Variants in CPPED1 observed in about 807,000 individuals in gnomAD.
CPPED1 encodes serine/threonine-protein phosphatase CPPED1.
Under a neutral mutation model 28.0 loss-of-function variants are expected in CPPED1, and 28 were observed. The ratio of observed to expected loss-of-function variants is 1.00; its 90% CI spans 0.74 to 1.37. The LOEUF (loss-of-function observed/expected upper bound fraction) is 1.37. Among genes scored for constraint, CPPED1 ranks in the 40% most tolerant of loss-of-function variants. The pLI is 0.00. For synonymous variants in CPPED1, 198 were observed against 180.2 expected (o/e 1.10, Z -0.79); for missense variants, 504 against 416.5 (o/e 1.21, Z -1.83).
intron 2 of CPPED1, among the ~76,000 whole-genome samples, chr16:12,766,277 G>GAGAGAGAGAGA (rs1567301044): frequency 1.0e-4 from 12 of 119,948 alleles, no homozygotes; most frequent in African/African-American, 4.7e-4. Context: ...AGAGAGAGAG[G>GAGAGAGAGAGA]GAGAGAGAGA....
At chr16:12,779,773 A>G (rs1356328991) in intron 2 of CPPED1, among the ~76,000 whole-genome samples, 1 of 152,124 alleles carries the variant, frequency 6.6e-6, no homozygotes, top group African/African-American at 2.4e-5. Flanking sequence ...GGCTTACTAC[A>G]GGGTACCTCG....
rs934567384 is a variant in CPPED1 at position 12,664,976 on chromosome 16, G to A, written c.855C>T (p.Ala285=). ...TGTAGTATCGGTGAACAATTTTCTC[G>A]GCGGTGACCACCACGACTCGGAGCC... ...PHGLRVVVVT[A]EKIVHRYYSL... is the part of the protein sequence containing the mutation. Residue 285 remains alanine, a synonymous_variant, in exon 4 of 4, where the codon GCC becomes GCT. Transcript: ENST00000381774. This position sits in a 1 kb window ranked among gnomAD's most constrained non-coding sequence, Gnocchi z 4.2. The A allele has an allele frequency of 4.2e-5, 68 of 1,611,008 alleles. No individual in the cohort carries two copies. The highest frequency in any genetic ancestry group is 1.6e-4 in the Middle Eastern group (1 of 6,076).
intron 2 of CPPED1, among the ~76,000 whole-genome samples, chr16:12,707,043 C>T (rs537169751): frequency 3.9e-5 from 6 of 152,282 alleles, no homozygotes; most frequent in African/African-American, 9.6e-5. Context: ...TAGCCGAACC[C>T]GGACTGCAGG....
At chr16:12,802,290 G>A (rs1179738802) in intron 1 of CPPED1, among the ~76,000 whole-genome samples, 1 of 152,180 alleles carries the variant, frequency 6.6e-6, no homozygotes, top group Non-Finnish European at 1.5e-5. Context: ...GGACAAAAAA[G>A]ACAAGGTCCA....
In CPPED1 at chr16:12,682,623, AG is replaced by A. The variant is rs2079911528; in HGVS notation, c.716-17509del. ...GGCAAGACTAGTATCAACCATCCCC[AG>A]GGCCACTGGGAAGATAAGTGAGAAT... On this transcript the variant is annotated intron_variant, in intron 3 of 3. Transcript: ENST00000381774. This position sits in a 1 kb window ranked among gnomAD's most constrained non-coding sequence, Gnocchi z 6.1. Among the ~76,000 whole-genome samples the A allele has an allele frequency of 6.6e-6, 1 of 152,180 alleles. No homozygotes were observed. Among genetic ancestry groups the A allele is most frequent in the Admixed American group, 6.5e-5 (1 of 15,278 alleles).
chr16:12,667,872 G>C (rs569413243), intron 3 of CPPED1, among the ~76,000 whole-genome samples: 8 of 152,138 alleles, frequency 5.3e-5, no homozygotes, highest in African/African-American at 4.8e-5. Flanking sequence ...GAAGACACAG[G>C]TCCTCAGATA....
At chr16:12,723,942 C>T (rs1048714430) in intron 2 of CPPED1, among the ~76,000 whole-genome samples, 4 of 152,212 alleles carry the variant, frequency 2.6e-5, no homozygotes, top group African/African-American at 9.6e-5. Flanking sequence ...CCACTCCCTT[C>T]CTGCCACCCT....
chr16:12,767,663 C>T (rs1044645782), intron 2 of CPPED1, among the ~76,000 whole-genome samples: 6 of 152,148 alleles, frequency 3.9e-5, no homozygotes, highest in African/African-American at 7.2e-5. Context: ...AAACCTACGC[C>T]GAGAAATTGC....
At chr16:12,701,692 C>T (rs549593472) in intron 3 of CPPED1, among the ~76,000 whole-genome samples, 2 of 152,114 alleles carry the variant, frequency 1.3e-5, no homozygotes, top group East Asian at 3.9e-4. Flanking sequence ...CAGTTACACA[C>T]CCATCTTGCT....
In CPPED1 at chr16:12,681,995, T is replaced by C. The variant is rs547879168; in HGVS notation, c.716-16880A>G. On this transcript the variant is annotated intron_variant, in intron 3 of 3. Transcript: ENST00000381774. ...ATAGCATCACTTCCCTATCCTGGAC[T>C]CGAGGATTAGTTATGCTCCTCCAAC... Among the ~76,000 whole-genome samples the C allele has an allele frequency of 5.2e-4, 79 of 152,150 alleles. No individual in the cohort carries two copies. In the Middle Eastern group the frequency reaches 0.017, roughly 33 times the overall value.
At chr16:12,689,049 T>G (rs535182808) in intron 3 of CPPED1, among the ~76,000 whole-genome samples, 51 of 152,204 alleles carry the variant, frequency 3.4e-4, no homozygotes, top group African/African-American at 9.4e-4. Context: ...AAAGAACAAG[T>G]GGAAACAACC....
chr16:12,726,068 G>T (rs142881530), intron 2 of CPPED1, among the ~76,000 whole-genome samples: 1 of 151,796 alleles, frequency 6.6e-6, no homozygotes. Context: ...ATGAGATGAA[G>T]TCTCACTCTG....
chr16:12,751,479 G>C (rs984463935), intron 2 of CPPED1, among the ~76,000 whole-genome samples: 1 of 152,178 alleles, frequency 6.6e-6, no homozygotes, highest in African/African-American at 2.4e-5. Flanking sequence ...AAGTCCTTTT[G>C]CTACTGACCT....
rs765823341 is a variant in CPPED1 at position 12,803,649 on chromosome 16, C to T, written c.70+58G>A. On this transcript the variant is annotated intron_variant, in intron 1 of 3. Coordinates refer to ENST00000381774, the MANE Select transcript of CPPED1 (RefSeq NM_018340.3). ...AGCGCACACCTGAACAAAAGGTTCC[C>T]CCGGCGGAAGGTTCCGCAGCCCCAG... 3.7e-6 allele frequency: 5 copies of T among 1,360,300 alleles called. No homozygotes were observed. In the Admixed American group the frequency reaches 1.0e-4, roughly 28 times the overall value. 84.3% of individuals were successfully genotyped at this position (1,360,300 alleles called of 1,614,324 possible).
At chr16:12,702,687 T>C (rs2080026716) in intron 3 of CPPED1, among the ~76,000 whole-genome samples, 1 of 152,108 alleles carries the variant, frequency 6.6e-6, no homozygotes, top group Admixed American at 6.5e-5. Context: ...AGGGCAGTCA[T>C]GGGCTTTACA....
At chr16:12,794,156 A>C (rs1403992668) in intron 1 of CPPED1, among the ~76,000 whole-genome samples, 1 of 152,176 alleles carries the variant, frequency 6.6e-6, no homozygotes, top group Non-Finnish European at 1.5e-5. Context: ...GGTATGCAGC[A>C]GATAAGAGTG....
chr16:12,753,743 C>A (rs1450940270), intron 2 of CPPED1: 1 of 152,142 alleles, frequency 6.6e-6, no homozygotes, highest in Non-Finnish European at 1.5e-5. Context: ...CCACAGGGAG[C>A]CTGTGGTTCT....
chr16:12,782,211 C>G (rs1025470508), intron 1 of CPPED1, among the ~76,000 whole-genome samples: 13 of 152,166 alleles, frequency 8.5e-5, no homozygotes, highest in African/African-American at 3.1e-4. Context: ...TTGGGCAGAG[C>G]TGGAATGGCC....
At chr16:12,792,621 C>T (rs936998539) in intron 1 of CPPED1, among the ~76,000 whole-genome samples, 5 of 152,130 alleles carry the variant, frequency 3.3e-5, no homozygotes, top group African/African-American at 1.2e-4. Flanking sequence ...ATTGTAGCTC[C>T]CATAATTCCC....
Sources: allele counts gnomAD v4.1 joint callset (sites outside exome capture counted in the v4.1 genomes callset), GRCh38; gene constraint gnomAD v4.1.1; non-coding constraint Gnocchi (gnomAD v3.1); transcripts MANE v1.5; gene names NCBI Gene and HGNC (gene_info 2026-07-23, HGNC 2026-07-21).